The following MCM3 variants were observed in gnomAD, a reference collection of about 807,000 sequenced individuals.
MCM3 encodes the protein minichromosome maintenance complex component 3.
Under a neutral mutation model 91.3 loss-of-function variants are expected in MCM3, and 59 were observed. The observed-to-expected ratio is 0.65, with a 90% CI of 0.52 to 0.80. The LOEUF (loss-of-function observed/expected upper bound fraction) is 0.80. MCM3 is among the 30% of genes least tolerant of loss of function. MCM3 has a pLI of 0.00. For synonymous variants in MCM3, 383 were observed against 379.6 expected, an observed-to-expected ratio of 1.01 and a Z score of -0.10; for missense variants, 919 against 1,035.4, an observed-to-expected ratio of 0.89 and a Z score of 1.54.
Position 52,277,141 on chromosome 6 carries a change from C to T in MCM3, c.1091G>A (p.Arg364Gln), listed in dbSNP as rs150139384. The T allele has an allele frequency of 6.2e-6, 10 of 1,613,930 alleles. No homozygotes were observed. Among genetic ancestry groups the T allele is most frequent in the African/African-American group, 5.3e-5 (4 of 74,928 alleles). ...LLRYVLCTAP[R>Q]AIPTTGRGSS... ...GCCCCGGCCAGTGGTGGGGATAGCT[C>T]GGGGTGCAGTGCAAAGCACATACCG... Residue 364 changes from arginine (R) to glutamine (Q), a missense_variant, in exon 8 of 17, where the codon CGA becomes CAA. Arg to Gln is a conservative substitution (Grantham distance 43, BLOSUM62 1). Around this residue, in one of 3 missense-constraint regions of MCM3, gnomAD observed 233 missense variants for 321.2 expected, o/e 0.73. Transcript: ENST00000596288.
intron 8 of MCM3, 55 bp from the exon 9 acceptor site, chr6:52,276,531 A>T: frequency 7.1e-7 from 1 of 1,415,496 alleles, no homozygotes; most frequent in Non-Finnish European, 9.8e-7. Flanking sequence ...AGGGGCCAGA[A>T]GGGAAGGATT....
chr6:52,272,289 C>G lies in MCM3; in HGVS notation c.1827+12G>C. ...TAAGGGACCCCAAGCCTAGGCTCCC[C>G]CAGGCACTCACCCTGGCGGTGTCTG... On this transcript the variant is annotated intron_variant, in intron 12 of 16. Coordinates refer to ENST00000596288, the MANE Select transcript of MCM3 (RefSeq NM_002388.6). The G allele has an allele frequency of 1.2e-6, 2 of 1,613,270 alleles. No individual in the cohort carries two copies. Among genetic ancestry groups the G allele is most frequent in the Non-Finnish European group, 1.7e-6 (2 of 1,179,450 alleles).
At chr6:52,283,199 T>C (rs1041923654) in intron 2 of MCM3, 95 bp downstream of exon 2, 4 of 1,020,128 alleles carry the variant, frequency 3.9e-6, no homozygotes, top group Non-Finnish European at 6.1e-6. Flanking sequence ...TCAATCCTGT[T>C]TCATACAAGT....
At chr6:52,280,525 T>A (rs1765995439) in intron 4 of MCM3, among the ~76,000 whole-genome samples, 1 of 152,200 alleles carries the variant, frequency 6.6e-6, no homozygotes, top group Admixed American at 6.5e-5. Flanking sequence ...TTCCCCCAGG[T>A]CACACAGTTA....
At chr6:52,277,476 T>C (rs948018742) in intron 7 of MCM3, 59 bp downstream of exon 7, 5 of 1,504,688 alleles carry the variant, frequency 3.3e-6, no homozygotes, top group South Asian at 2.5e-5. Flanking sequence ...TTACATATTA[T>C]AGGTCTCCAC....
chr6:52,277,001 G>C (rs1054431917), intron 8 of MCM3, 66 bp downstream of exon 8: 2 of 1,556,932 alleles, frequency 1.3e-6, no homozygotes, highest in Non-Finnish European at 1.7e-6. Flanking sequence ...ACACAAGCCA[G>C]GGCACACAAA....
Position 52,266,601 on chromosome 6 carries a change from G to A in MCM3, c.2158+10C>T, listed in dbSNP as rs1388003452. Reference sequence around the variant, plus strand: ...AACAACCTCTTTCATCAGTAAGTGGGCTCACTCACCTTGAGGCATTTCCTC... The same window carrying A: ...AACAACCTCTTTCATCAGTAAGTGGACTCACTCACCTTGAGGCATTTCCTC... On this transcript the variant is annotated intron_variant, in intron 15 of 16. Coordinates refer to ENST00000596288, the MANE Select transcript of MCM3 (RefSeq NM_002388.6). 1 of 1,611,684 alleles carries A rather than the reference G, an allele frequency of 6.2e-7. No individual in the cohort carries two copies. Among genetic ancestry groups the A allele is most frequent in the Admixed American group, 1.7e-5 (1 of 59,992 alleles).
At chr6:52,274,993 G>C (rs534363373) in intron 9 of MCM3, among the ~76,000 whole-genome samples, 44 of 152,084 alleles carry the variant, frequency 2.9e-4, no homozygotes, top group African/African-American at 1.0e-3. Context: ...CAAACTCCTA[G>C]GCTCAAGTGA....
Position 52,272,417 on chromosome 6 carries a change from ACTT to A in MCM3, c.1708_1710del (p.Lys570del), listed in dbSNP as rs1411065216. 6.2e-7 allele frequency: 1 copy of A among 1,614,162 alleles called. No individual in the cohort carries two copies. Among genetic ancestry groups the A allele is most frequent in the Admixed American group, 1.7e-5 (1 of 60,018 alleles). ...TTGATGATTTTGGCCACATGGATGT[ACTT>A]CTTCATGAATGCTGCACTCACCATC... On this transcript the variant is annotated inframe_deletion, in exon 12 of 17. Coordinates refer to ENST00000596288, the MANE Select transcript of MCM3 (RefSeq NM_002388.6).
intron 13 of MCM3, 48 bp from the exon 14 acceptor site, chr6:52,268,016 G>C: frequency 6.2e-7 from 1 of 1,612,946 alleles, no homozygotes; most frequent in Non-Finnish European, 8.5e-7. Flanking sequence ...ACTGATGCAG[G>C]GGAACTGCAT....
intron 1 of MCM3, 37 bp from the exon 2 acceptor site, chr6:52,283,443 AT>A (rs1562402233): frequency 7.2e-7 from 1 of 1,390,038 alleles, no homozygotes; most frequent in East Asian, 2.3e-5. Context: ...ATAGCCACAA[AT>A]TTAAAAACAA....
At chr6:52,284,233 G>A (rs999286571) in intron 1 of MCM3, among the ~76,000 whole-genome samples, 1 of 152,202 alleles carries the variant, frequency 6.6e-6, no homozygotes, top group Non-Finnish European at 1.5e-5. Flanking sequence ...CAACGCGGCT[G>A]GTCACTATAG....
Position 52,279,583 on chromosome 6 carries a change from G to C in MCM3, c.548C>G (p.Pro183Arg). 1.9e-6 allele frequency: 3 copies of C among 1,612,916 alleles called. No individual in the cohort carries two copies. Among genetic ancestry groups the C allele is most frequent in the Non-Finnish European group, 2.5e-6 (3 of 1,179,250 alleles). Residue 183 changes from proline (P) to arginine (R), a missense_variant, in exon 5 of 17, where the codon CCC (proline) becomes CGC (arginine). By Grantham distance (103) the Pro-to-Arg change is moderately radical (BLOSUM62 -2). Coordinates refer to ENST00000596288, the MANE Select transcript of MCM3 (RefSeq NM_002388.6). ...AGAAAGGCCATATTCTGTCTCAAGGGGATTGTTCTCCTCATCCTAGAAAAA... is the reference window on the plus strand; with the variant it reads ...AGAAAGGCCATATTCTGTCTCAAGGCGATTGTTCTCCTCATCCTAGAAAAA... ...VYPTKDEENN[P>R]LETEYGLSVY...
rs770015696 is a variant in MCM3 at position 52,264,541 on chromosome 6, C to A, written c.*47G>T. Reference sequence around the variant, plus strand: ...TGGGTCAGGGAGAGGGTGGGAAACACAGAACAAACTCTCTCGGCACAACCC... The same window carrying A: ...TGGGTCAGGGAGAGGGTGGGAAACAAAGAACAAACTCTCTCGGCACAACCC... On this transcript the variant is annotated 3_prime_UTR_variant, in exon 17 of 17. Coordinates refer to ENST00000596288, the MANE Select transcript of MCM3 (RefSeq NM_002388.6). The A allele has an allele frequency of 1.2e-6, 2 of 1,604,342 alleles. No individual in the cohort carries two copies. The highest frequency in any genetic ancestry group is 1.7e-6 in the Non-Finnish European group (2 of 1,171,690).
chr6:52,282,900 G>C (rs1178076877), intron 2 of MCM3, 39 bp from the exon 3 acceptor site: 1 of 1,489,808 alleles, frequency 6.7e-7, no homozygotes, highest in Admixed American at 1.8e-5. Context: ...AGACTGGGCA[G>C]AACTCAAAAA....
At chr6:52,282,610 CCTGT>C in intron 3 of MCM3, 39 bp downstream of exon 3, 1 of 1,584,702 alleles carries the variant, frequency 6.3e-7, no homozygotes, top group South Asian at 1.1e-5. Context: ...TCCCCATCTC[CCTGT>C]CTATTCATTT....
chr6:52,274,323 C>A (rs1765381349), intron 9 of MCM3, among the ~76,000 whole-genome samples: 1 of 152,096 alleles, frequency 6.6e-6, no homozygotes, highest in African/African-American at 2.4e-5. Context: ...TTTTTGGAGT[C>A]CCTTACTCAG....
rs111864970 is a variant in MCM3 at position 52,273,505 on chromosome 6, T to C, written c.1550-149A>G. ...GACACATGGAACCCACAAATAAAGATAGTGGAACTGCCTGGCTCACACAAG... is the reference window on the plus strand; with the variant it reads ...GACACATGGAACCCACAAATAAAGACAGTGGAACTGCCTGGCTCACACAAG... On this transcript the variant is annotated intron_variant, in intron 10 of 16. Transcript: ENST00000596288. 2.5e-4 allele frequency: 212 copies of C among 856,336 alleles called. 3 individuals are homozygous for C. In the African/African-American group the frequency reaches 2.6e-3, roughly 11 times the overall value. The allele number at this position is 856,336 out of a possible 1,614,324, so 53.0% of individuals were successfully genotyped here.
chr6:52,272,488 C>T (rs895996896), intron 11 of MCM3, 37 bp from the exon 12 acceptor site: 2 of 1,610,938 alleles, frequency 1.2e-6, no homozygotes, highest in Non-Finnish European at 1.7e-6. Flanking sequence ...CTCCCTGCCA[C>T]ACCTTACCAC....
Sources: gnomAD v4.1 joint callset for allele counts (sites outside exome capture counted in the v4.1 genomes callset) on GRCh38, gnomAD v4.1.1 for gene constraint, gnomAD v4.1.1 regional missense constraint, MANE v1.5 for transcripts, NCBI Gene and HGNC (gene_info 2026-07-23, HGNC 2026-07-21) for gene names.